The following FGF13 variants were observed in gnomAD, a reference collection of about 807,000 sequenced individuals.
The protein encoded by FGF13 is fibroblast growth factor 13.
FGF13 carries 2 observed loss-of-function variants against 19.5 expected under a neutral mutation model. The observed-to-expected ratio is 0.10, with a 90% CI of 0.04 to 0.32. The LOEUF (loss-of-function observed/expected upper bound fraction) is 0.32. FGF13 is among the 10% of genes least tolerant of loss of function. The pLI is 1.00. For synonymous variants in FGF13, 72 were observed against 76.9 expected (o/e 0.94, Z 0.33); for missense variants, 113 against 192.7 (o/e 0.59, Z 2.45).
At chrX:138,695,354 A>C (rs1417489135) in intron 3 of FGF13, among the ~76,000 whole-genome samples, 3 of 112,186 alleles carry the variant, frequency 2.7e-5, no homozygotes, top group Non-Finnish European at 5.6e-5. Flanking sequence ...CTAAGAAGAC[A>C]TGCCAATGCT....
chrX:138,940,169 A>G (rs887449607), intron 1 of FGF13, among the ~76,000 whole-genome samples: 1 of 111,659 alleles, frequency 9.0e-6, no homozygotes, highest in Admixed American at 9.5e-5. Flanking sequence ...TCTAATGATT[A>G]GTGATGGTGA....
At chrX:139,138,531 T>C (rs1364230813) in intron 1 of FGF13, among the ~76,000 whole-genome samples, 1 of 111,132 alleles carries the variant, frequency 9.0e-6, no homozygotes, top group East Asian at 2.8e-4. Flanking sequence ...AACAACTCCA[T>C]CCACAGAGAC....
chrX:139,178,131 G>T (rs1161046742), intron 1 of FGF13, among the ~76,000 whole-genome samples: 1 of 112,324 alleles, frequency 8.9e-6, no homozygotes, highest in Admixed American at 9.4e-5. Flanking sequence ...CTCGCTGGGA[G>T]CTGCAGACTG....
At chrX:139,199,528 G>A (rs1392087157) in intron 1 of FGF13, among the ~76,000 whole-genome samples, 3 of 112,126 alleles carry the variant, frequency 2.7e-5, no homozygotes, top group Non-Finnish European at 3.8e-5. Flanking sequence ...GACCTGGAAC[G>A]CTGTTTCATA....
At chrX:138,772,575 T>C (rs977226137) in intron 3 of FGF13, among the ~76,000 whole-genome samples, 17 of 111,556 alleles carry the variant, frequency 1.5e-4, no homozygotes, top group African/African-American at 5.2e-4. Context: ...TTTTTAAACA[T>C]TGGCATTGGG....
At chrX:138,794,225 C>T (rs960283114) in intron 3 of FGF13, among the ~76,000 whole-genome samples, 4 of 111,641 alleles carry the variant, frequency 3.6e-5, no homozygotes, top group Admixed American at 1.9e-4. Flanking sequence ...GTGAGTAATG[C>T]GATTGTCCCC....
At chrX:138,943,351 G>A (rs1226199491) in intron 1 of FGF13, among the ~76,000 whole-genome samples, 1 of 112,249 alleles carries the variant, frequency 8.9e-6, no homozygotes, top group Non-Finnish European at 1.9e-5. Flanking sequence ...GATGTGAAGT[G>A]CACCCTGCAT....
chrX:138,720,424 A>C (rs2090139762), intron 1 of FGF13, among the ~76,000 whole-genome samples: 1 of 112,144 alleles, frequency 8.9e-6, no homozygotes, highest in African/African-American at 3.2e-5. Flanking sequence ...AGGCTAATGC[A>C]TTCATTAGTG....
chrX:138,877,364 CTT>C (rs1420812544), intron 1 of FGF13, among the ~76,000 whole-genome samples: 2 of 111,775 alleles, frequency 1.8e-5, no homozygotes, highest in African/African-American at 6.5e-5. Flanking sequence ...CGTGAAAACA[CTT>C]TTGCTTCATT....
chrX:138,973,194 T>C (rs1360306379), intron 1 of FGF13, among the ~76,000 whole-genome samples: 1 of 111,786 alleles, frequency 8.9e-6, no homozygotes. Context: ...CCATAGGCTT[T>C]TGTATGTTGT....
At chrX:138,705,721 T>A (rs1202465702) in intron 2 of FGF13, among the ~76,000 whole-genome samples, 2 of 111,927 alleles carry the variant, frequency 1.8e-5, no homozygotes, top group Non-Finnish European at 3.8e-5. Context: ...AGAAATTATA[T>A]CAGGGGTGAG....
chrX:139,154,544 C>T (rs976579378), intron 1 of FGF13, among the ~76,000 whole-genome samples: 1 of 111,994 alleles, frequency 8.9e-6, no homozygotes, highest in African/African-American at 3.2e-5. Context: ...GAACAATTAC[C>T]GCTTGTAAAT....
At position 139,037,089 on chromosome X, in the gene FGF13, A is replaced by G. The variant is rs781510357; in HGVS notation, c.-113+166327T>C. ...GGAGACAACTCTTCTACCACAATAC[A>G]CTGAACCACCTATTTGTCCCACATC... On this transcript the variant is annotated intron_variant, in intron 1 of 2. Coordinates refer to the FGF13 transcript ENST00000421460. Among the ~76,000 whole-genome samples, 7 of 110,596 alleles carry G rather than the reference A, an allele frequency of 6.3e-5. No individual in the cohort carries two copies. The South Asian group carries it at 2.7e-3, about 43-fold the overall frequency.
At chrX:139,106,465 G>A (rs2083560979) in intron 1 of FGF13, among the ~76,000 whole-genome samples, 2 of 111,927 alleles carry the variant, frequency 1.8e-5, no homozygotes, top group African/African-American at 6.5e-5. Context: ...CCAGAGTTTT[G>A]CAATTTCCTG....
intron 1 of FGF13, among the ~76,000 whole-genome samples, chrX:139,042,677 T>C (rs1478342251): frequency 4.5e-5 from 5 of 111,909 alleles, no homozygotes; most frequent in Non-Finnish European, 9.4e-5. Context: ...TATTCAATTT[T>C]GTGCAGTGCT....
chrX:139,203,418 TTGCACGCGGCGTGTCGAAGGG>T lies in FGF13; in HGVS notation c.-136_-116del, dbSNP rs1347927772. 2.8e-5 allele frequency: 3 copies of T among 106,222 alleles called. No individual in the cohort carries two copies. In the Admixed American group the frequency reaches 3.0e-4, roughly 10 times the overall value. The allele number at this position is 106,222 out of a possible 1,213,427, so 8.8% of individuals were successfully genotyped here. A position where few individuals can be genotyped will look rare whatever the true frequency, so the allele number is the denominator to read the frequency against. On this transcript the variant is annotated 5_prime_UTR_variant, in exon 1 of 3. Coordinates refer to the FGF13 transcript ENST00000421460. Reference sequence around the variant, plus strand: ...GCCAGGGCACCAGGGTTGCTCACCTTTGCACGCGGCGTGTCGAAGGGTGCAAACTCCTGCCTTCCCGGAGGG... The same window carrying T: ...GCCAGGGCACCAGGGTTGCTCACCTTTGCAAACTCCTGCCTTCCCGGAGGG...
At chrX:139,139,171 G>T (rs753826656) in intron 1 of FGF13, among the ~76,000 whole-genome samples, 1 of 110,793 alleles carries the variant, frequency 9.0e-6, no homozygotes, top group African/African-American at 3.3e-5. Flanking sequence ...GACCTCAAAC[G>T]ATCTGCCTGC....
At chrX:138,993,115 A>G (rs1234074888) in intron 1 of FGF13, among the ~76,000 whole-genome samples, 2 of 112,148 alleles carry the variant, frequency 1.8e-5, no homozygotes, top group African/African-American at 6.5e-5. Context: ...GTATACCTCA[A>G]AAATGTCAAG....
intron 1 of FGF13, among the ~76,000 whole-genome samples, chrX:138,953,431 G>A (rs1045714785): frequency 2.7e-5 from 3 of 110,333 alleles, no homozygotes; most frequent in Non-Finnish European, 5.7e-5. Flanking sequence ...CCTGTGGTGG[G>A]GTGGGTGGAG....
Sources: allele counts gnomAD v4.1 joint callset (sites outside exome capture counted in the v4.1 genomes callset), GRCh38; gene constraint gnomAD v4.1.1; transcripts MANE v1.5; gene names NCBI Gene and HGNC (gene_info 2026-07-23, HGNC 2026-07-21).